SPOCK3: variants seen among roughly 807,000 people sequenced by gnomAD.
The protein encoded by SPOCK3 is SPARC (osteonectin), cwcv and kazal like domains proteoglycan 3.
In SPOCK3, 30 loss-of-function variants were observed where a neutral mutation model predicts 56.6. That is an observed-to-expected ratio of 0.53 (90% CI 0.40 to 0.72). The LOEUF is 0.72. Ranked by LOEUF, SPOCK3 falls within the 30% of genes least tolerant of loss-of-function variation. SPOCK3 has a pLI of 0.00. For synonymous variants in SPOCK3, 196 were observed against 183.3 expected (o/e 1.07, Z -0.56); for missense variants, 527 against 530.0 (o/e 0.99, Z 0.06).
chr4:166,986,853 G>A (rs781323808), intron 4 of SPOCK3, among the ~76,000 whole-genome samples: 1 of 151,890 alleles, frequency 6.6e-6, no homozygotes, highest in Non-Finnish European at 1.5e-5. Context: ...ACACCAAAAT[G>A]AGATATCCAA....
chr4:167,142,366 A>C (rs1179950082), intron 2 of SPOCK3, among the ~76,000 whole-genome samples: 1 of 152,018 alleles, frequency 6.6e-6, no homozygotes, highest in African/African-American at 2.4e-5. Context: ...GCATGCCATC[A>C]TCATGCTTTT....
intron 3 of SPOCK3, among the ~76,000 whole-genome samples, chr4:167,029,743 T>C (rs1752082012): frequency 6.6e-6 from 1 of 151,994 alleles, no homozygotes; most frequent in Non-Finnish European, 1.5e-5. Flanking sequence ...AGGATGTAGG[T>C]ATGAATTTTT....
intron 6 of SPOCK3, among the ~76,000 whole-genome samples, chr4:166,842,223 G>C (rs567009474): frequency 6.6e-6 from 1 of 152,312 alleles, no homozygotes; most frequent in East Asian, 1.9e-4. Context: ...TCCACGGTGA[G>C]GAAGAGGACT....
intron 5 of SPOCK3, among the ~76,000 whole-genome samples, chr4:166,899,649 T>C (rs1280499362): frequency 2.0e-5 from 3 of 151,762 alleles, no homozygotes; most frequent in Non-Finnish European, 4.4e-5. Flanking sequence ...CCTGAATAGC[T>C]GGGATTACAG....
At chr4:167,194,618 G>A (rs1375921149) in intron 2 of SPOCK3, among the ~76,000 whole-genome samples, 1 of 152,216 alleles carries the variant, frequency 6.6e-6, no homozygotes, top group Non-Finnish European at 1.5e-5. Context: ...TGCCTTGGCT[G>A]ATATGACTGC....
intron 3 of SPOCK3, among the ~76,000 whole-genome samples, chr4:167,058,613 C>G (rs954109664): frequency 6.6e-6 from 1 of 152,114 alleles, no homozygotes; most frequent in Non-Finnish European, 1.5e-5. Context: ...CCCCATCAAG[C>G]TACCAATGAC....
At chr4:167,086,031 C>T (rs1281119968) in intron 2 of SPOCK3, among the ~76,000 whole-genome samples, 2 of 151,892 alleles carry the variant, frequency 1.3e-5, no homozygotes, top group Non-Finnish European at 2.9e-5. Context: ...TCGGTGGAAA[C>T]TTTCTTTTTA....
chr4:167,169,007 G>C (rs1730257178), intron 2 of SPOCK3, among the ~76,000 whole-genome samples: 2 of 152,200 alleles, frequency 1.3e-5, no homozygotes, highest in Non-Finnish European at 2.9e-5. Flanking sequence ...CTTCCATGAG[G>C]TGTTGAGCCT....
At chr4:166,933,351 C>T (rs1740002854) in intron 4 of SPOCK3, among the ~76,000 whole-genome samples, 2 of 152,160 alleles carry the variant, frequency 1.3e-5, no homozygotes, top group Admixed American at 6.5e-5. Flanking sequence ...GGAGCTATGG[C>T]ATTGCCTGAC....
chr4:167,093,855 T>G (rs1011625416), intron 2 of SPOCK3, among the ~76,000 whole-genome samples: 2 of 152,186 alleles, frequency 1.3e-5, no homozygotes, highest in Admixed American at 1.3e-4. Context: ...TCTAGATCCT[T>G]GAGGAAACTC....
intron 7 of SPOCK3, among the ~76,000 whole-genome samples, chr4:166,768,298 A>T (rs538289434): frequency 1.3e-5 from 2 of 151,952 alleles, no homozygotes; most frequent in Middle Eastern, 3.2e-3. Flanking sequence ...GGTCTTTACA[A>T]TTTGTCATGT....
At chr4:166,983,516 G>A (rs1344699020) in intron 4 of SPOCK3, among the ~76,000 whole-genome samples, 1 of 152,022 alleles carries the variant, frequency 6.6e-6, no homozygotes. Flanking sequence ...GAGGTTAACA[G>A]AAACAAAATT....
chr4:166,993,922 C>T (rs1748079047), intron 4 of SPOCK3, among the ~76,000 whole-genome samples: 1 of 152,100 alleles, frequency 6.6e-6, no homozygotes, highest in Non-Finnish European at 1.5e-5. Flanking sequence ...GAGGGAGATA[C>T]ATAGTATAAT....
At chr4:166,784,459 TAA>T (rs1300745230) in intron 7 of SPOCK3, among the ~76,000 whole-genome samples, 2 of 152,076 alleles carry the variant, frequency 1.3e-5, no homozygotes, top group African/African-American at 4.8e-5. Context: ...TATAAGGAGT[TAA>T]GAGTCCACAG....
intron 6 of SPOCK3, among the ~76,000 whole-genome samples, chr4:166,887,490 C>A (rs573899480): frequency 6.6e-6 from 1 of 152,120 alleles, no homozygotes; most frequent in African/African-American, 2.4e-5. Context: ...AAATGTACTC[C>A]ATCAGAAGTG....
chr4:167,142,421 T>C (rs1037933382), intron 2 of SPOCK3, among the ~76,000 whole-genome samples: 3 of 151,382 alleles, frequency 2.0e-5, no homozygotes, highest in African/African-American at 7.3e-5. Flanking sequence ...ATTAAAGTAG[T>C]AAATCAAAAA....
intron 6 of SPOCK3, among the ~76,000 whole-genome samples, chr4:166,848,089 TA>T (rs1336059385): frequency 6.6e-6 from 1 of 152,182 alleles, no homozygotes; most frequent in African/African-American, 2.4e-5. Context: ...TGGAAACTTC[TA>T]AAAAATTATA....
chr4:167,140,931 C>T (rs1260599798), intron 2 of SPOCK3, among the ~76,000 whole-genome samples: 1 of 151,974 alleles, frequency 6.6e-6, no homozygotes, highest in Admixed American at 6.6e-5. Flanking sequence ...TGTTCATGTG[C>T]ACATTGATAA....
At chr4:167,066,559 A>C (rs1035509711) in intron 2 of SPOCK3, among the ~76,000 whole-genome samples, 16 of 152,032 alleles carry the variant, frequency 1.1e-4, no homozygotes, top group Admixed American at 3.3e-4. Context: ...TAAACATTCA[A>C]TTTTAAATGC....
Sources: gnomAD v4.1 joint callset for allele counts (sites outside exome capture counted in the v4.1 genomes callset) on GRCh38, gnomAD v4.1.1 for gene constraint, MANE v1.5 for transcripts, NCBI Gene and HGNC (gene_info 2026-07-23, HGNC 2026-07-21) for gene names.